The following ENOX1 variants were observed in gnomAD, a reference collection of about 807,000 sequenced individuals.
ENOX1 encodes candidate growth-related and time keeping constitutive hydroquinone (NADH) oxidase.
ENOX1 carries 42 observed loss-of-function variants against 82.5 expected under a neutral mutation model. The observed-to-expected ratio is 0.51, with a 90% confidence interval of 0.40 to 0.66. The LOEUF is 0.66. Ranked by LOEUF, ENOX1 falls within the 30% of genes least tolerant of loss-of-function variation. ENOX1 has a pLI of 0.00. For synonymous variants in ENOX1, 271 were observed against 282.2 expected, an observed-to-expected ratio of 0.96 and a Z score of 0.40; for missense variants, 608 against 811.6, an observed-to-expected ratio of 0.75 and a Z score of 3.05.
intron 1 of ENOX1, among the ~76,000 whole-genome samples, chr13:43,783,466 C>A (rs928589705): frequency 6.6e-6 from 1 of 151,998 alleles, no homozygotes; most frequent in African/African-American, 2.4e-5. Context: ...TCAAGTGTGA[C>A]CCAGGGGAAG....
chr13:43,472,517 C>A (rs1038486698), intron 3 of ENOX1, among the ~76,000 whole-genome samples: 1 of 152,082 alleles, frequency 6.6e-6, no homozygotes, highest in South Asian at 2.1e-4. Flanking sequence ...ACACACGGCA[C>A]GGTGCATGTG....
chr13:43,734,038 T>C (rs1192755004), intron 1 of ENOX1, among the ~76,000 whole-genome samples: 3 of 152,204 alleles, frequency 2.0e-5, no homozygotes, highest in Admixed American at 1.3e-4. Flanking sequence ...GAAGCAAAGA[T>C]TGAAGTGCTG....
At chr13:43,337,077 A>G (rs2048756406) in intron 9 of ENOX1, among the ~76,000 whole-genome samples, 1 of 152,226 alleles carries the variant, frequency 6.6e-6, no homozygotes. Context: ...TATATGCCGT[A>G]TGCTCCACTT....
intron 3 of ENOX1, among the ~76,000 whole-genome samples, chr13:43,426,177 G>A (rs920248712): frequency 2.6e-5 from 4 of 152,186 alleles, no homozygotes; most frequent in South Asian, 2.1e-4. Flanking sequence ...ATGCCATTCC[G>A]TTATTTATTC....
At chr13:43,487,723 C>T (rs187834839) in intron 2 of ENOX1, among the ~76,000 whole-genome samples, 1 of 152,252 alleles carries the variant, frequency 6.6e-6, no homozygotes, top group African/African-American at 2.4e-5. Flanking sequence ...TTCAAGAAAA[C>T]ATGTCTGTCA....
intron 14 of ENOX1, among the ~76,000 whole-genome samples, chr13:43,242,410 T>C (rs547719732): frequency 1.8e-4 from 28 of 152,380 alleles, no homozygotes; most frequent in African/African-American, 6.5e-4. Flanking sequence ...CCAATTTTTC[T>C]TACCTGTTCC....
At chr13:43,407,403 C>T (rs757153627) in intron 5 of ENOX1, among the ~76,000 whole-genome samples, 16 of 152,140 alleles carry the variant, frequency 1.1e-4, no homozygotes, top group South Asian at 8.3e-4. Context: ...TAGCGTCTCA[C>T]GAGAGGCTCA....
chr13:43,404,911 A>C (rs1273041297), intron 5 of ENOX1, among the ~76,000 whole-genome samples: 1 of 152,200 alleles, frequency 6.6e-6, no homozygotes, highest in Non-Finnish European at 1.5e-5. Flanking sequence ...ATCTTTCAAC[A>C]AGATGGAAAA....
chr13:43,271,796 C>T (rs2044700635), intron 12 of ENOX1, among the ~76,000 whole-genome samples: 1 of 152,126 alleles, frequency 6.6e-6, no homozygotes, highest in African/African-American at 2.4e-5. Context: ...AATGTCTTCC[C>T]TCTCATCAGT....
At chr13:43,450,294 G>T (rs1453095381) in intron 3 of ENOX1, among the ~76,000 whole-genome samples, 1 of 152,158 alleles carries the variant, frequency 6.6e-6, no homozygotes, top group Non-Finnish European at 1.5e-5. Flanking sequence ...AAGGTGAAGT[G>T]GGGGGCAGCA....
chr13:43,425,555 G>A (rs1280182760), intron 3 of ENOX1, among the ~76,000 whole-genome samples: 2 of 152,126 alleles, frequency 1.3e-5, no homozygotes, highest in African/African-American at 4.8e-5. Context: ...TCCTCAAATA[G>A]TCTCTTTTTC....
At chr13:43,231,909 G>A (rs1449455047) in intron 15 of ENOX1, among the ~76,000 whole-genome samples, 2 of 151,996 alleles carry the variant, frequency 1.3e-5, no homozygotes, top group African/African-American at 4.8e-5. Flanking sequence ...TATTAGTATT[G>A]CAATGAACAG....
intron 2 of ENOX1, among the ~76,000 whole-genome samples, chr13:43,517,431 G>A (rs4328341): frequency 0.17 from 25,265 of 152,080 alleles, 2,794 homozygotes; most frequent in East Asian, 0.49. Flanking sequence ...CTAGCAGTTG[G>A]AGGTTGCAAT....
At chr13:43,448,200 G>C (rs2056763605) in intron 3 of ENOX1, among the ~76,000 whole-genome samples, 1 of 152,282 alleles carries the variant, frequency 6.6e-6, no homozygotes, top group Non-Finnish European at 1.5e-5. Context: ...TTATTAGTTG[G>C]AACAGGCAAT....
intron 1 of ENOX1, among the ~76,000 whole-genome samples, chr13:43,707,731 C>CAAAAAA (rs1379285097): frequency 3.1e-4 from 15 of 49,178 alleles, no homozygotes; most frequent in Non-Finnish European, 4.5e-4. Context: ...GACTCTGTCT[C>CAAAAAA]AAAAAAAAAA....
intron 2 of ENOX1, among the ~76,000 whole-genome samples, chr13:43,621,642 C>T (rs1292273029): frequency 2.0e-5 from 3 of 152,130 alleles, no homozygotes; most frequent in Non-Finnish European, 4.4e-5. Flanking sequence ...GATAGGTTTT[C>T]CTTTATAGGT....
chr13:43,687,886 C>T (rs1410253147), intron 1 of ENOX1, among the ~76,000 whole-genome samples: 2 of 152,112 alleles, frequency 1.3e-5, no homozygotes, highest in African/African-American at 4.8e-5. Context: ...AGACAACATA[C>T]CTTTTACATT....
At chr13:43,673,106 A>C (rs2085343787) in intron 1 of ENOX1, among the ~76,000 whole-genome samples, 1 of 152,020 alleles carries the variant, frequency 6.6e-6, no homozygotes, top group East Asian at 1.9e-4. Context: ...AGAAAAGATA[A>C]ACCTATTTTT....
At chr13:43,265,505 C>A (rs369880506) in intron 13 of ENOX1, 51 bp from the exon 14 acceptor site, 170 of 1,480,780 alleles carry the variant, frequency 1.1e-4, no homozygotes, top group Non-Finnish European at 1.5e-4. Context: ...AATAAGCAAG[C>A]AAATCTCTTA....
Sources: gnomAD v4.1 joint callset for allele counts (sites outside exome capture counted in the v4.1 genomes callset) on GRCh38, gnomAD v4.1.1 for gene constraint, MANE v1.5 for transcripts, NCBI Gene and HGNC (gene_info 2026-07-23, HGNC 2026-07-21) for gene names.